The following CDC14A variants were observed in gnomAD, a reference collection of about 807,000 sequenced individuals.
CDC14A encodes cell division cycle 14A, also known as dual specificity protein phosphatase CDC14A.
Under a neutral mutation model 74.4 loss-of-function variants are expected in CDC14A, and 53 were observed. The observed-to-expected ratio is 0.71, with a 90% CI of 0.57 to 0.89. The LOEUF (loss-of-function observed/expected upper bound fraction) is 0.89, where lower values mean the gene tolerates loss of function less well. CDC14A is among the 40% of genes least tolerant of loss of function. The probability of loss-of-function intolerance (pLI) is 0.00; values close to 1 mark genes in which losing one functional copy is unlikely to be tolerated. For missense variants in CDC14A, 646 were observed against 713.7 expected, an observed-to-expected ratio of 0.91 and a Z score of 1.08; for synonymous variants, 247 against 258.4, an observed-to-expected ratio of 0.96 and a Z score of 0.43.
chr1:100,360,142 A>G (rs1652530002), intron 2 of CDC14A, among the ~76,000 whole-genome samples: 1 of 142,824 alleles, frequency 7.0e-6, no homozygotes, highest in African/African-American at 2.6e-5. Context: ...TTTAGTAGAG[A>G]CGAGGTTTCA....
At chr1:100,459,086 AACACACACACACACGCACACACACACAC>A (rs1667024989) in intron 8 of CDC14A, among the ~76,000 whole-genome samples, 1 of 129,298 alleles carries the variant, frequency 7.7e-6, no homozygotes, top group East Asian at 2.1e-4. Flanking sequence ...CTTCTATTTA[AACACACACACACACGCACACACACACAC>A]ACACACACAC....
At chr1:100,442,356 TTA>T (rs1032245969) in intron 6 of CDC14A, among the ~76,000 whole-genome samples, 2 of 146,386 alleles carry the variant, frequency 1.4e-5, no homozygotes, top group African/African-American at 5.0e-5. Flanking sequence ...ATATACTATA[TTA>T]TATATAGTAT....
chr1:100,378,173 T>A (rs375444096), intron 3 of CDC14A, among the ~76,000 whole-genome samples: 1 of 152,248 alleles, frequency 6.6e-6, no homozygotes, highest in South Asian at 2.1e-4. Context: ...TCATCTATAG[T>A]TTTGATTTCA....
Position 100,352,753 on chromosome 1 carries a change from G to A in CDC14A, c.-202G>A. The A allele has an allele frequency of 7.1e-7, 1 of 1,401,862 alleles. No individual in the cohort carries two copies. 86.8% of individuals were successfully genotyped at this position (1,401,862 alleles called of 1,614,324 possible). On this transcript the variant is annotated 5_prime_UTR_variant, in exon 1 of 16. Transcript: ENST00000336454. ...TGAGCGCCCCGCGCGGAGCGAGCTC[G>A]GGTTCCCCTCGGAATGTCCCCGGGG... is the stretch of plus-strand genomic sequence containing the variant.
intron 10 of CDC14A, among the ~76,000 whole-genome samples, chr1:100,472,798 C>T (rs1337024069): frequency 6.6e-6 from 1 of 151,868 alleles, no homozygotes; most frequent in African/African-American, 2.4e-5. Flanking sequence ...TGCCCAGTTG[C>T]TTCAGTACCA....
At chr1:100,441,892 G>C (rs1342365983) in intron 6 of CDC14A, among the ~76,000 whole-genome samples, 3 of 152,110 alleles carry the variant, frequency 2.0e-5, no homozygotes, top group African/African-American at 7.2e-5. Context: ...GATGGCGCAT[G>C]TTCTGTGTTT....
At chr1:100,441,064 A>T (rs1360414276) in intron 6 of CDC14A, among the ~76,000 whole-genome samples, 1 of 152,196 alleles carries the variant, frequency 6.6e-6, no homozygotes, top group African/African-American at 2.4e-5. Flanking sequence ...GGGAAAAAAT[A>T]ATTTATTTAT....
At chr1:100,374,101 A>T (rs1654886184) in intron 2 of CDC14A, among the ~76,000 whole-genome samples, 1 of 152,056 alleles carries the variant, frequency 6.6e-6, no homozygotes, top group African/African-American at 2.4e-5. Context: ...GATGATTTCC[A>T]ATTTCATCCA....
Position 100,378,811 on chromosome 1 carries a change from T to A in CDC14A, c.216+1190T>A, listed in dbSNP as rs145657803. Among the ~76,000 whole-genome samples, 68 of 152,328 alleles carry A rather than the reference T, an allele frequency of 4.5e-4. 1 individual carries two copies. The highest frequency in any genetic ancestry group is 6.8e-3 in the Middle Eastern group (2 of 294). ...TTGTAGGAATTAACTTACAAAGTTG[T>A]CTGACTTGAAAAGATACATGTAAAT... On this transcript the variant is annotated intron_variant, in intron 3 of 15. Transcript: ENST00000336454.
intron 5 of CDC14A, among the ~76,000 whole-genome samples, chr1:100,439,382 A>G (rs781449574): frequency 6.6e-6 from 1 of 152,072 alleles, no homozygotes; most frequent in Non-Finnish European, 1.5e-5. Flanking sequence ...GCTTGTTTTT[A>G]TCATATTCCT....
At chr1:100,456,435 C>G (rs1053503572) in intron 8 of CDC14A, among the ~76,000 whole-genome samples, 2 of 151,774 alleles carry the variant, frequency 1.3e-5, no homozygotes, top group East Asian at 3.9e-4. Context: ...ATATCCCCCC[C>G]CCTTTTTTTT....
At chr1:100,359,606 G>C (rs1652401121) in intron 2 of CDC14A, among the ~76,000 whole-genome samples, 1 of 152,032 alleles carries the variant, frequency 6.6e-6, no homozygotes, top group South Asian at 2.1e-4. Flanking sequence ...TCACTTTTGG[G>C]GGGTATAATT....
At chr1:100,411,699 CT>C (rs1247619373) in intron 4 of CDC14A, among the ~76,000 whole-genome samples, 2 of 152,178 alleles carry the variant, frequency 1.3e-5, no homozygotes, top group Admixed American at 6.5e-5. Flanking sequence ...TTTGTTCATT[CT>C]TTCATTGAAC....
chr1:100,491,573 T>TATATATATATA (rs1491249031), intron 11 of CDC14A, among the ~76,000 whole-genome samples: 5 of 41,022 alleles, frequency 1.2e-4, no homozygotes, highest in Non-Finnish European at 2.0e-4. Context: ...TATATATATA[T>TATATATATATA]TTTTTTTTTT....
chr1:100,394,111 CTTAT>C (rs941480961), intron 4 of CDC14A: 105 of 101,904 alleles, frequency 1.0e-3, no homozygotes, highest in Middle Eastern at 3.7e-3. Flanking sequence ...TCTTTCCTTA[CTTAT>C]TTATTTATTT....
At chr1:100,426,441 A>G (rs1032770392) in intron 5 of CDC14A, among the ~76,000 whole-genome samples, 2 of 152,298 alleles carry the variant, frequency 1.3e-5, no homozygotes, top group Non-Finnish European at 2.9e-5. Flanking sequence ...TAATAATACC[A>G]GAATAGAAGA....
intron 4 of CDC14A, among the ~76,000 whole-genome samples, chr1:100,407,311 T>C (rs1482736100): frequency 1.3e-5 from 2 of 152,214 alleles, no homozygotes; most frequent in East Asian, 3.8e-4. Flanking sequence ...ATTTTCACGA[T>C]ATTGATTCTT....
chr1:100,472,248 C>G (rs1668466319), intron 10 of CDC14A, among the ~76,000 whole-genome samples: 1 of 152,156 alleles, frequency 6.6e-6, no homozygotes, highest in African/African-American at 2.4e-5. Flanking sequence ...TCTTTTGGTA[C>G]AGCTATCTGT....
chr1:100,441,753 T>A (rs1284698612), intron 6 of CDC14A, among the ~76,000 whole-genome samples: 1 of 151,966 alleles, frequency 6.6e-6, no homozygotes, highest in Non-Finnish European at 1.5e-5. Flanking sequence ...TTTCTAAGAA[T>A]CACCTGGGAA....
Sources: allele counts gnomAD v4.1 joint callset (sites outside exome capture counted in the v4.1 genomes callset), GRCh38; gene constraint gnomAD v4.1.1; transcripts MANE v1.5; gene names NCBI Gene and HGNC (gene_info 2026-07-23, HGNC 2026-07-21).